SEZ6: variants seen among roughly 807,000 people sequenced by gnomAD.
SEZ6 encodes seizure related 6 homolog.
In SEZ6, 53 loss-of-function variants were observed where a neutral mutation model predicts 101.0. That is an observed-to-expected ratio of 0.52 (90% CI 0.42 to 0.66). SEZ6 has a LOEUF of 0.66. Among genes scored for constraint, SEZ6 ranks in the 30% least tolerant of loss-of-function variants. The pLI is 0.00. For synonymous variants in SEZ6, 488 were observed against 512.2 expected, an observed-to-expected ratio of 0.95 and a Z score of 0.64; for missense variants, 1,102 against 1,289.4, an observed-to-expected ratio of 0.85 and a Z score of 2.23.
upstream of SEZ6, chr17:29,006,370 G>C (rs1002781405): frequency 1.3e-5 from 2 of 152,500 alleles, no homozygotes. Context: ...GGGCGTCAAG[G>C]GTGACCTGGG....
At chr17:28,972,284 G>T (rs537849966) in intron 3 of SEZ6, among the ~76,000 whole-genome samples, 1 of 152,244 alleles carries the variant, frequency 6.6e-6, no homozygotes, top group Non-Finnish European at 1.5e-5. Flanking sequence ...CAACAAAGAC[G>T]TGTGGAAAGA....
At chr17:28,993,794 G>T (rs2041498344) in intron 1 of SEZ6, among the ~76,000 whole-genome samples, 1 of 152,320 alleles carries the variant, frequency 6.6e-6, no homozygotes, top group Non-Finnish European at 1.5e-5. Flanking sequence ...CCCCCTCCCA[G>T]CCTCTACCCT....
At chr17:28,990,069 T>A (rs1004715827) in intron 1 of SEZ6, among the ~76,000 whole-genome samples, 1 of 151,936 alleles carries the variant, frequency 6.6e-6, no homozygotes, top group Admixed American at 6.6e-5. Context: ...TTAAACTCTG[T>A]CCCCTGCCCA....
chr17:28,960,229 G>A, intron 7 of SEZ6: 1 of 581,314 alleles, frequency 1.7e-6, no homozygotes, highest in Non-Finnish European at 3.1e-6. Context: ...TCTTTCTTAA[G>A]GGTTGAGGCC....
Position 29,005,683 on chromosome 17 carries a change from G to C in SEZ6, c.55+132C>G. The C allele has an allele frequency of 2.3e-6, 2 of 878,048 alleles. No individual in the cohort carries two copies. Among genetic ancestry groups the C allele is most frequent in the Non-Finnish European group, 3.0e-6 (2 of 669,190 alleles). 54.4% of individuals were successfully genotyped at this position (878,048 alleles called of 1,614,324 possible). ...CCGCCCGGCTTGGCCGGCGCCGGGGGCAGCGCAGCCGGCGGGGCGCGGTGC... is the reference window on the plus strand; with the variant it reads ...CCGCCCGGCTTGGCCGGCGCCGGGGCCAGCGCAGCCGGCGGGGCGCGGTGC... On this transcript the variant is annotated intron_variant, in intron 1 of 16. Coordinates refer to ENST00000317338, the MANE Select transcript of SEZ6 (RefSeq NM_178860.5). The surrounding 1 kb of genome is among the most constrained non-coding windows in gnomAD (Gnocchi z 4.8).
chr17:28,963,163 A>G (rs1310495146), intron 5 of SEZ6, among the ~76,000 whole-genome samples: 1 of 150,890 alleles, frequency 6.6e-6, no homozygotes, highest in African/African-American at 2.4e-5. Context: ...TGCTTTTCAT[A>G]CTGCAAACCA....
intron 5 of SEZ6, among the ~76,000 whole-genome samples, chr17:28,962,640 G>A (rs763812420): frequency 5.9e-5 from 9 of 151,784 alleles, no homozygotes; most frequent in Non-Finnish European, 1.3e-4. Context: ...AATTAGCTGG[G>A]TATGGTGGCA....
At position 28,989,918 on chromosome 17, in the gene SEZ6, A is replaced by G. The variant is rs1024444181; in HGVS notation, c.56-7879T>C. 3.9e-4 allele frequency among the ~76,000 whole-genome samples: 60 copies of G among 152,182 alleles called. 1 individual carries two copies. The highest frequency in any genetic ancestry group is 1.5e-5 in the Non-Finnish European group (1 of 68,038). ...GAAACCCCATTTCTACTAAAAATAC[A>G]AAAGTTAGCTGGGCGTGGTGGTGCA... On this transcript the variant is annotated intron_variant, in intron 1 of 16. Coordinates refer to ENST00000317338, the MANE Select transcript of SEZ6 (RefSeq NM_178860.5).
At chr17:28,958,351 T>C (rs2040917843) in intron 10 of SEZ6, among the ~76,000 whole-genome samples, 1 of 152,200 alleles carries the variant, frequency 6.6e-6, no homozygotes, top group Non-Finnish European at 1.5e-5. Flanking sequence ...GCATTTAAGC[T>C]TTGGCCTTAC....
intron 2 of SEZ6, 67 bp from the exon 3 acceptor site, chr17:28,979,880 CGTGTGTGTGTGT>C (rs3052131): frequency 0.011 from 9,833 of 857,276 alleles, 119 homozygotes; most frequent in African/African-American, 0.071. Flanking sequence ...AAGGCTGAAC[CGTGTGTGTGTGT>C]GTGTGTGTGT....
intron 1 of SEZ6, among the ~76,000 whole-genome samples, chr17:29,000,228 C>G (rs2041597645): frequency 6.6e-6 from 1 of 152,176 alleles, no homozygotes; most frequent in South Asian, 2.1e-4. Flanking sequence ...TGAAGCTCTC[C>G]CCTATGCCGG....
rs1417018396 is a variant in SEZ6, at chr17:28,958,081, G to A, written c.2168C>T (p.Pro723Leu). 1.9e-6 allele frequency: 3 copies of A among 1,611,264 alleles called. No homozygotes were observed. The highest frequency in any genetic ancestry group is 1.7e-5 in the Admixed American group (1 of 59,944). Residue 723 changes from proline to leucine, a missense_variant, in exon 11 of 17, where the codon CCA (proline) becomes CTA (leucine). This residue lies in a region of SEZ6 where 556 missense variants were observed against 735.1 expected (regional missense o/e 0.76). Transcript: ENST00000317338. ...GCCGTGCACTAGCTCAGGCTGCGAT[G>A]GGCTCTTCCAGCCATTGGGGATCTC... The part of the protein sequence containing the change: ...LPEIPNGWKS[P>L]SQPELVHGTV...
At chr17:28,961,080 G>C (rs750784440) in intron 5 of SEZ6, 107 bp from the exon 6 acceptor site, 10 of 1,374,598 alleles carry the variant, frequency 7.3e-6, no homozygotes, top group Non-Finnish European at 9.8e-6. Flanking sequence ...GGAGCAGCGG[G>C]GACCTTGCCT....
rs774004380 is a variant in SEZ6, at chr17:28,964,101, A to T, written c.1101T>A (p.Asp367Glu). ...CTGGGTGGAGGCTGGTGACAGTCAC[A>T]TCTCCATAAGCTGGACGACGGGGAA... ...CHFPRRPAYGDVTVTSLHPGG... is the reference protein window; with the variant it reads ...CHFPRRPAYGEVTVTSLHPGG... The change falls in exon 5 of 17, where the codon GAT (aspartate) becomes GAA (glutamate). Residue 367 changes from aspartate to glutamate, a missense_variant. By Grantham distance (45) the Asp-to-Glu change is conservative. Transcript: ENST00000317338. 1.2e-6 allele frequency: 2 copies of T among 1,604,722 alleles called. No individual in the cohort carries two copies. The highest frequency in any genetic ancestry group is 1.7e-6 in the Non-Finnish European group (2 of 1,175,554).
chr17:28,991,366 G>A (rs1467232074), intron 1 of SEZ6, among the ~76,000 whole-genome samples: 1 of 151,828 alleles, frequency 6.6e-6, no homozygotes, highest in Non-Finnish European at 1.5e-5. Flanking sequence ...CACTACGCCT[G>A]GCTAATTTTT....
intron 1 of SEZ6, among the ~76,000 whole-genome samples, chr17:28,996,692 G>A (rs1471249122): frequency 1.3e-5 from 2 of 152,118 alleles, no homozygotes; most frequent in Non-Finnish European, 2.9e-5. Flanking sequence ...AGACACTCAA[G>A]GACAGGTGAA....
At position 28,955,929 on chromosome 17, in the gene SEZ6, C is replaced by T. The variant is rs1204566341; in HGVS notation, c.*33G>A. 1 of 1,608,182 alleles carries T rather than the reference C, an allele frequency of 6.2e-7. No homozygotes were observed. Among genetic ancestry groups the T allele is most frequent in the Non-Finnish European group, 8.5e-7 (1 of 1,177,314 alleles). On this transcript the variant is annotated 3_prime_UTR_variant, in exon 17 of 17. Coordinates refer to ENST00000317338, the MANE Select transcript of SEZ6 (RefSeq NM_178860.5). Reference sequence around the variant, plus strand: ...GGACTGTGGTGCAAGTCTGAGTTGACTTCCCTAGACTGCCCCCACCTAGAT... The same window carrying T: ...GGACTGTGGTGCAAGTCTGAGTTGATTTCCCTAGACTGCCCCCACCTAGAT...
In SEZ6 at chr17:28,959,446, A is replaced by G. The variant is rs370958922; in HGVS notation, c.1798T>C (p.Ser600Pro). 15 of 1,613,514 alleles carry G rather than the reference A, an allele frequency of 9.3e-6. No homozygotes were observed. In the African/African-American group the frequency reaches 2.0e-4, roughly 22 times the overall value. Residue 600 changes from serine to proline, a missense_variant, in exon 9 of 17, where the codon TCG (serine) becomes CCG (proline). Ser to Pro is a moderately conservative substitution (Grantham distance 74). Coordinates refer to ENST00000317338, the MANE Select transcript of SEZ6 (RefSeq NM_178860.5). The surrounding 1 kb of genome is among the most constrained non-coding windows in gnomAD (Gnocchi z 4.4). ...TTGGGAGAGAGTACCACGCCAGCCGAGTCTGTGATCTCCCCGCTGCACACG... is the reference window on the plus strand; with the variant it reads ...TTGGGAGAGAGTACCACGCCAGCCGGGTCTGTGATCTCCCCGCTGCACACG... The part of the protein sequence containing the change: ...RAVCSGEITD[S>P]AGVVLSPNWP...
At chr17:28,969,990 G>T in intron 3 of SEZ6, 38 bp from the exon 4 acceptor site, 1 of 1,499,726 alleles carries the variant, frequency 6.7e-7, no homozygotes, top group South Asian at 1.4e-5. Context: ...AAAGTAGTCA[G>T]ACTTCTTCCT....
Sources: gnomAD v4.1 joint callset for allele counts (sites outside exome capture counted in the v4.1 genomes callset) on GRCh38, gnomAD v4.1.1 for gene constraint, gnomAD v4.1.1 regional missense constraint, Gnocchi (gnomAD v3.1) non-coding constraint, MANE v1.5 for transcripts, NCBI Gene and HGNC (gene_info 2026-07-23, HGNC 2026-07-21) for gene names.